The following ARHGAP9 variants were observed in gnomAD, a reference collection of about 807,000 sequenced individuals.
ARHGAP9 encodes rho GTPase-activating protein 9.
ARHGAP9 carries 76 observed loss-of-function variants against 87.3 expected under a neutral mutation model. The observed-to-expected ratio is 0.87, with a 90% CI of 0.72 to 1.05. The LOEUF (loss-of-function observed/expected upper bound fraction) is 1.05, where lower values mean the gene tolerates loss of function less well. Ranked by LOEUF, ARHGAP9 falls within the 50% of genes least tolerant of loss-of-function variation. The probability of loss-of-function intolerance (pLI) is 0.00; values close to 1 mark genes in which losing one functional copy is unlikely to be tolerated. For synonymous variants in ARHGAP9, 382 were observed against 394.9 expected (o/e 0.97, Z 0.39); for missense variants, 941 against 960.5 (o/e 0.98, Z 0.27).
upstream of ARHGAP9, chr12:57,484,085 G>A: frequency 3.8e-6 from 1 of 262,888 alleles, no homozygotes; most frequent in Non-Finnish European, 7.7e-6. Flanking sequence ...GGGTGCGGTG[G>A]CTCACACCTG....
intron 16 of ARHGAP9, 39 bp downstream of exon 16, chr12:57,474,003 C>A: frequency 6.3e-7 from 1 of 1,596,230 alleles, no homozygotes; most frequent in Non-Finnish European, 8.5e-7. Context: ...CACCCGTGTC[C>A]CCCACATCAA....
At chr12:57,476,239 A>G in intron 8 of ARHGAP9, 73 bp from the exon 9 acceptor site, 1 of 1,486,544 alleles carries the variant, frequency 6.7e-7, no homozygotes. Flanking sequence ...GTGGGCTGTG[A>G]GGAGGTGGGA....
At chr12:57,483,030 C>T (rs895213275), upstream of ARHGAP9, among the ~76,000 whole-genome samples, 9 of 151,084 alleles carry the variant, frequency 6.0e-5, no homozygotes, top group Middle Eastern at 6.4e-3. Flanking sequence ...ACCCAGGAGA[C>T]GGAGGTTGCA....
rs1193973427 is a variant in ARHGAP9 at position 57,475,875 on chromosome 12, C to A, written c.1269G>T (p.Leu423=). 15 of 1,613,826 alleles carry A rather than the reference C, an allele frequency of 9.3e-6. No individual in the cohort carries two copies. The highest frequency in any genetic ancestry group is 1.2e-5 in the Non-Finnish European group (14 of 1,179,928). The change falls in exon 10 of 18, where the codon CTG becomes CTT. Residue 423 remains leucine (L), a synonymous_variant. Coordinates refer to ENST00000393791, the MANE Select transcript of ARHGAP9 (RefSeq NM_032496.4). ...FLLQSDHETE[L]RAWHRALRTV... ...TCCGCAGCGCGCGGTGCCAGGCTCG[C>A]AGCTCTGTCTCGTGGTCCGACTGCA...
intron 1 of ARHGAP9, among the ~76,000 whole-genome samples, chr12:57,486,223 T>A (rs1182468402): frequency 6.6e-6 from 1 of 152,144 alleles, no homozygotes; most frequent in East Asian, 1.9e-4. Flanking sequence ...GGTATGTGCT[T>A]CCTTGCATAA....
chr12:57,488,184 A>G, intron 1 of ARHGAP9: 4 of 1,613,232 alleles, frequency 2.5e-6, no homozygotes, highest in Non-Finnish European at 3.4e-6. Context: ...GCTCATCAGC[A>G]CTGTAGGCCC....
chr12:57,477,034 G>C (rs1411702548), intron 5 of ARHGAP9, 71 bp from the exon 6 acceptor site: 3 of 1,547,376 alleles, frequency 1.9e-6, no homozygotes, highest in Non-Finnish European at 2.7e-6. Flanking sequence ...AGGAGGAAGA[G>C]GGGTGGGATA....
chr12:57,477,911 G>T, intron 3 of ARHGAP9: 6 of 1,314,294 alleles, frequency 4.6e-6, no homozygotes, highest in Non-Finnish European at 5.9e-6. Context: ...CCAACTTCCC[G>T]CCTCCCCCAC....
At chr12:57,476,688 T>A in intron 6 of ARHGAP9, 37 bp from the exon 7 acceptor site, 1 of 1,613,182 alleles carries the variant, frequency 6.2e-7, no homozygotes, top group Non-Finnish European at 8.5e-7. Context: ...TAAGTCACCC[T>A]CGCCCTCCAT....
upstream of ARHGAP9, chr12:57,483,811 G>A (rs1452473910): frequency 1.7e-5 from 7 of 417,946 alleles, no homozygotes; most frequent in African/African-American, 6.2e-5. Context: ...AGGCTGAGGC[G>A]GGTGGATCAC....
At chr12:57,475,959 G>T in intron 9 of ARHGAP9, 28 bp from the exon 10 acceptor site, 1 of 1,602,308 alleles carries the variant, frequency 6.2e-7, no homozygotes, top group Non-Finnish European at 8.5e-7. Context: ...AAACGCTCGG[G>T]TCAACGGGAA....
rs768898174 is a variant in ARHGAP9, at chr12:57,476,868, C to G, written c.963+3G>C. 6.2e-7 allele frequency: 1 copy of G among 1,613,314 alleles called. No individual in the cohort carries two copies. The highest frequency in any genetic ancestry group is 8.5e-7 in the Non-Finnish European group (1 of 1,179,650). Reference sequence around the variant, plus strand: ...GGCCTTCACAAAGAAATGGGAGATTCACATGGGGGTCGTCCAGGAGCTGCG... The same window carrying G: ...GGCCTTCACAAAGAAATGGGAGATTGACATGGGGGTCGTCCAGGAGCTGCG... On this transcript the variant is annotated splice_donor_region_variant and intron_variant, in intron 6 of 17. Coordinates refer to ENST00000393791, the MANE Select transcript of ARHGAP9 (RefSeq NM_032496.4).
chr12:57,474,873 A>G lies in ARHGAP9; in HGVS notation c.1651+2T>C. The G allele has an allele frequency of 6.2e-7, 1 of 1,613,992 alleles. No homozygotes were observed. Among genetic ancestry groups the G allele is most frequent in the Non-Finnish European group, 8.5e-7 (1 of 1,179,988 alleles). On this transcript the variant is annotated splice_donor_variant, in intron 13 of 17. Coordinates refer to ENST00000393791, the MANE Select transcript of ARHGAP9 (RefSeq NM_032496.4). LOFTEE classifies it high-confidence loss of function. ...GGATTCTGGGGTCTCTGAGAAAATG[A>G]CCTCTTTTATCCACAGCAGCAATGC... is the stretch of plus-strand genomic sequence containing the variant.
At position 57,477,819 on chromosome 12, in the gene ARHGAP9, G is replaced by A. The variant is rs577946183; in HGVS notation, c.535-139C>T. ...TGGGCTGAGGTGACCCAGGGTACTG[G>A]GGGAGAAACCTCAGGCCCCAGCTGC... On this transcript the variant is annotated intron_variant, in intron 3 of 17. Transcript: ENST00000393791. The A allele has an allele frequency of 3.4e-4, 516 of 1,508,334 alleles. 3 individuals carry two copies. In the African/African-American group the frequency reaches 6.6e-3, roughly 19 times the overall value. 93.4% of individuals were successfully genotyped at this position (1,508,334 alleles called of 1,614,324 possible).
chr12:57,484,338 T>G (rs541869), upstream of ARHGAP9, among the ~76,000 whole-genome samples: 26,493 of 135,564 alleles, frequency 0.2, 2,597 homozygotes, highest in East Asian at 0.3. Context: ...GGCGACAGTG[T>G]GAGACTCTGT....
intron 16 of ARHGAP9, 152 bp downstream of exon 16, chr12:57,473,890 C>CA (rs1872672294): frequency 7.4e-7 from 1 of 1,346,760 alleles, no homozygotes; most frequent in Non-Finnish European, 9.9e-7. Context: ...TAAACATTCA[C>CA]AAAAAAGCAA....
At chr12:57,473,390 G>C (rs1872495581) in intron 17 of ARHGAP9, among the ~76,000 whole-genome samples, 1 of 152,140 alleles carries the variant, frequency 6.6e-6, no homozygotes, top group South Asian at 2.1e-4. Context: ...TCCAGTCTGG[G>C]TGACAGAGCG....
chr12:57,476,587 C>T lies in ARHGAP9; in HGVS notation c.1025+3G>A, dbSNP rs1322341256. 2.5e-6 allele frequency: 4 copies of T among 1,614,088 alleles called. No individual in the cohort carries two copies. The South Asian group carries it at 4.4e-5, about 18-fold the overall frequency. On this transcript the variant is annotated splice_donor_region_variant and intron_variant, in intron 7 of 17. Coordinates refer to ENST00000393791, the MANE Select transcript of ARHGAP9 (RefSeq NM_032496.4). ...AGGCCCTAGCTGTATTCTGGGTTCT[C>T]ACCTGAGCTTGCGCCCCCCTTGGGC...
At chr12:57,485,847 G>C (rs1875356880) in intron 1 of ARHGAP9, among the ~76,000 whole-genome samples, 1 of 152,182 alleles carries the variant, frequency 6.6e-6, no homozygotes, top group African/African-American at 2.4e-5. Flanking sequence ...AGAGTTTTCA[G>C]TGGGCAGATG....
Sources: gnomAD v4.1 joint callset for allele counts (sites outside exome capture counted in the v4.1 genomes callset) on GRCh38, gnomAD v4.1.1 for gene constraint, MANE v1.5 for transcripts, NCBI Gene and HGNC (gene_info 2026-07-23, HGNC 2026-07-21) for gene names.